AMBRA1: variants seen among roughly 807,000 people sequenced by gnomAD.
AMBRA1 encodes the protein activating molecule in BECN1-regulated autophagy protein 1.
In AMBRA1, 47 loss-of-function variants were observed where a neutral mutation model predicts 125.4. That is an observed-to-expected ratio of 0.37 (90% CI 0.30 to 0.48). The LOEUF is 0.48. Among genes scored for constraint, AMBRA1 ranks in the 20% least tolerant of loss-of-function variants. AMBRA1 has a pLI of 0.99. For synonymous variants in AMBRA1, 626 were observed against 655.5 expected (o/e 0.95, Z 0.69); for missense variants, 1,331 against 1,693.4 (o/e 0.79, Z 3.76).
At chr11:46,560,721 T>G (rs1444896619) in intron 1 of AMBRA1, among the ~76,000 whole-genome samples, 1 of 152,048 alleles carries the variant, frequency 6.6e-6, no homozygotes, top group Admixed American at 6.6e-5. Flanking sequence ...AATTTTTTGG[T>G]TTCAAGCTAT....
intron 7 of AMBRA1, among the ~76,000 whole-genome samples, chr11:46,535,376 C>G (rs1226776563): frequency 6.6e-6 from 1 of 152,150 alleles, no homozygotes. Flanking sequence ...AAAAAGGGAC[C>G]TACAAGCATC....
intron 7 of AMBRA1, among the ~76,000 whole-genome samples, chr11:46,520,598 CTTTTTTT>C (rs148775052): frequency 7.1e-6 from 1 of 140,408 alleles, no homozygotes. Flanking sequence ...TTTTTCTTTT[CTTTTTTT>C]TTTTTTTTGA....
chr11:46,424,790 T>A (rs758176455), intron 14 of AMBRA1, among the ~76,000 whole-genome samples: 4 of 151,942 alleles, frequency 2.6e-5, no homozygotes, highest in Non-Finnish European at 5.9e-5. Flanking sequence ...CAGTGGGCTA[T>A]GATAGTGCCA....
chr11:46,419,037 T>C (rs1029358763), intron 14 of AMBRA1, among the ~76,000 whole-genome samples: 1 of 152,178 alleles, frequency 6.6e-6, no homozygotes, highest in African/African-American at 2.4e-5. Context: ...TTAATTCATC[T>C]AATTAAAAGC....
intron 14 of AMBRA1, among the ~76,000 whole-genome samples, chr11:46,431,580 G>A (rs571583461): frequency 9.2e-5 from 14 of 152,354 alleles, no homozygotes; most frequent in Middle Eastern, 6.8e-3. Context: ...CTGGGCAAGA[G>A]CCCTGGCTTA....
intron 11 of AMBRA1, among the ~76,000 whole-genome samples, chr11:46,479,103 C>T (rs1258677479): frequency 2.6e-5 from 4 of 151,982 alleles, no homozygotes; most frequent in Non-Finnish European, 5.9e-5. Context: ...GAGGCTGAGG[C>T]CGGGGAATCA....
chr11:46,594,000 G>A lies in AMBRA1; in HGVS notation c.-293C>T, dbSNP rs2044699863. ...CAGCCCTCGACCCGGCGCCGCCGCC[G>A]CTCAGGAGACATCAAGCAAGAAGAC... On this transcript the variant is annotated 5_prime_UTR_variant, in exon 1 of 18. Coordinates refer to ENST00000683756, the MANE Select transcript of AMBRA1 (RefSeq NM_001387011.1). 2 of 398,540 alleles carry A rather than the reference G, an allele frequency of 5.0e-6. No homozygotes were observed. Among genetic ancestry groups the A allele is most frequent in the South Asian group, 1.3e-4 (1 of 7,864 alleles). 24.7% of individuals were successfully genotyped at this position (398,540 alleles called of 1,614,324 possible). A position where few individuals can be genotyped will look rare whatever the true frequency, so the allele number is the denominator to read the frequency against.
At chr11:46,506,938 G>A in intron 9 of AMBRA1, among the ~76,000 whole-genome samples, 1 of 151,538 alleles carries the variant, frequency 6.6e-6, no homozygotes, top group South Asian at 2.1e-4. Context: ...GGCCAAGGCA[G>A]GCGGATCACA....
At chr11:46,432,209 G>A (rs1003452609) in intron 14 of AMBRA1, among the ~76,000 whole-genome samples, 3 of 152,132 alleles carry the variant, frequency 2.0e-5, no homozygotes, top group Non-Finnish European at 2.9e-5. Context: ...ACTGCAGTTT[G>A]GTGTGACAAG....
At chr11:46,581,403 T>A (rs966291093) in intron 1 of AMBRA1, among the ~76,000 whole-genome samples, 4 of 151,854 alleles carry the variant, frequency 2.6e-5, no homozygotes, top group Non-Finnish European at 4.4e-5. Context: ...AGTCAGGAGA[T>A]CGAGACCATC....
At chr11:46,399,631 T>A (rs555874043) in intron 17 of AMBRA1, among the ~76,000 whole-genome samples, 1 of 149,832 alleles carries the variant, frequency 6.7e-6, no homozygotes, top group Admixed American at 6.6e-5. Context: ...TCCCAAAGTG[T>A]TGGGATTACA....
At chr11:46,508,534 A>C (rs1259314120) in intron 8 of AMBRA1, among the ~76,000 whole-genome samples, 164 bp from the exon 9 acceptor site, 2 of 152,226 alleles carry the variant, frequency 1.3e-5, no homozygotes, top group Non-Finnish European at 2.9e-5. Context: ...TTTGCACTGC[A>C]GAATATACTT....
intron 14 of AMBRA1, among the ~76,000 whole-genome samples, chr11:46,423,564 T>A (rs529528150): frequency 6.6e-6 from 1 of 151,524 alleles, no homozygotes; most frequent in East Asian, 2.0e-4. Flanking sequence ...GCTAGTTTTT[T>A]GTATTTTTAG....
chr11:46,589,431 CTG>C (rs1482089268), intron 1 of AMBRA1, among the ~76,000 whole-genome samples: 1 of 152,150 alleles, frequency 6.6e-6, no homozygotes, highest in Non-Finnish European at 1.5e-5. Flanking sequence ...ACAAGAATGA[CTG>C]TGATTAAAGG....
chr11:46,425,816 G>C (rs1032953914), intron 14 of AMBRA1, among the ~76,000 whole-genome samples: 2 of 150,472 alleles, frequency 1.3e-5, no homozygotes, highest in East Asian at 4.0e-4. Context: ...TCCAGCCTGT[G>C]CAACAAGAGC....
intron 7 of AMBRA1, among the ~76,000 whole-genome samples, chr11:46,532,616 T>C (rs1371621409): frequency 6.6e-6 from 1 of 152,168 alleles, no homozygotes; most frequent in African/African-American, 2.4e-5. Context: ...TTTGTATTTT[T>C]AGCAGAGATG....
intron 15 of AMBRA1, among the ~76,000 whole-genome samples, chr11:46,416,408 A>C (rs1946549222): frequency 6.6e-6 from 1 of 152,214 alleles, no homozygotes; most frequent in South Asian, 2.1e-4. Context: ...AACACAAAAC[A>C]TTCTTGCAGC....
In AMBRA1 at chr11:46,410,299, G is replaced by T; in HGVS notation, c.3186C>A (p.Asn1062Lys). The T allele has an allele frequency of 6.2e-7, 1 of 1,613,934 alleles. No individual in the cohort carries two copies. The highest frequency in any genetic ancestry group is 8.5e-7 in the Non-Finnish European group (1 of 1,179,892). Reference sequence around the variant, plus strand: ...ACCCAGGCCGCTCGCTGCTCCTGCTGTTGGAATGGACAGTGAAGACCGTCT... The same window carrying T: ...ACCCAGGCCGCTCGCTGCTCCTGCTTTTGGAATGGACAGTGAAGACCGTCT... ...LNETVFTVHSNSRSSERPGTS... is the reference protein window; with the variant it reads ...LNETVFTVHSKSRSSERPGTS... The change falls in exon 16 of 18, where the codon AAC (asparagine) becomes AAA (lysine). Residue 1062 changes from asparagine (N) to lysine (K), a missense_variant. Asn to Lys is a moderately conservative substitution (Grantham distance 94). Around this residue, in one of 4 missense-constraint regions of AMBRA1, gnomAD observed 354 missense variants for 532.7 expected, o/e 0.66. Transcript: ENST00000683756.
chr11:46,437,974 G>C (rs1947810271), intron 12 of AMBRA1, among the ~76,000 whole-genome samples: 1 of 152,236 alleles, frequency 6.6e-6, no homozygotes, highest in East Asian at 1.9e-4. Flanking sequence ...AACACAGAAT[G>C]CTGGGACGGG....
Sources: allele counts gnomAD v4.1 joint callset (sites outside exome capture counted in the v4.1 genomes callset), GRCh38; gene constraint gnomAD v4.1.1; regional missense constraint gnomAD v4.1.1; transcripts MANE v1.5; gene names NCBI Gene and HGNC (gene_info 2026-07-23, HGNC 2026-07-21).